CLIP3: variants seen among roughly 807,000 people sequenced by gnomAD.
CLIP3 encodes the protein CAP-Gly domain containing linker protein 3, also known as CAP-Gly domain-containing linker protein 3.
CLIP3 carries 15 observed loss-of-function variants against 59.4 expected under a neutral mutation model. That is an observed-to-expected ratio of 0.25 (90% CI 0.17 to 0.39). The LOEUF (loss-of-function observed/expected upper bound fraction) is 0.39, where lower values mean the gene tolerates loss of function less well. Ranked by LOEUF, CLIP3 falls within the 10% of genes least tolerant of loss-of-function variation. The probability of loss-of-function intolerance (pLI) is 1.00; values close to 1 mark genes in which losing one functional copy is unlikely to be tolerated. For missense variants in CLIP3, 495 were observed against 765.7 expected (o/e 0.65, Z 4.17); for synonymous variants, 300 against 321.6 (o/e 0.93, Z 0.72).
Position 36,019,598 on chromosome 19 carries a change from A to ATTTTT in CLIP3, c.919-293_919-292insAAAAA, listed in dbSNP as rs200645934. 2.3e-4 allele frequency among the ~76,000 whole-genome samples: 23 copies of ATTTTT among 99,424 alleles called. No homozygotes were observed. The East Asian group carries it at 2.9e-3, about 13-fold the overall frequency. The allele number at this position is 99,424 out of a possible 152,430, so 65.2% of individuals were successfully genotyped here. ...ACAATGTAAATTTATTTATTTATTT[A>ATTTTT]TTTTATTTATTTTTTTTTTTTTCGA... On this transcript the variant is annotated intron_variant, in intron 7 of 13. Coordinates refer to ENST00000360535, the MANE Select transcript of CLIP3 (RefSeq NM_015526.3).
In CLIP3 at chr19:36,017,983, T is replaced by C; in HGVS notation, c.1192A>G (p.Lys398Glu). 1 of 1,613,798 alleles carries C rather than the reference T, an allele frequency of 6.2e-7. No individual in the cohort carries two copies. The highest frequency in any genetic ancestry group is 8.5e-7 in the Non-Finnish European group (1 of 1,180,016). The change falls in exon 10 of 14, where the codon AAG becomes GAG. Residue 398 changes from lysine (K) to glutamate (E), a missense_variant. By Grantham distance (56) the Lys-to-Glu change is moderately conservative (BLOSUM62 1). Transcript: ENST00000360535. ...KGRREHKGKK[K>E]TPSSPSLGSL... is the part of the protein sequence containing the mutation. ...CCCAGAGATGGGGATGATGGGGTCT[T>C]CTTCTTGCCTAAGGGTAGAAGGTGT...
intron 2 of CLIP3, among the ~76,000 whole-genome samples, chr19:36,031,312 C>T (rs1969261396): frequency 6.6e-6 from 1 of 152,096 alleles, no homozygotes; most frequent in Admixed American, 6.6e-5. Flanking sequence ...ACACCATGCC[C>T]AGCCCACCTT....
In CLIP3 at chr19:36,018,882, G is replaced by T. The variant is rs745581251; in HGVS notation, c.1183+16C>A. ...CCCAAACTGGCTCTTCCCACCACAG[G>T]GATCCCCTCTCTGACCTTTGTGTTC... On this transcript the variant is annotated intron_variant, in intron 9 of 13. Coordinates refer to ENST00000360535, the MANE Select transcript of CLIP3 (RefSeq NM_015526.3). 1 of 1,610,498 alleles carries T rather than the reference G, an allele frequency of 6.2e-7. No individual in the cohort carries two copies. Among genetic ancestry groups the T allele is most frequent in the Non-Finnish European group, 8.5e-7 (1 of 1,178,476 alleles).
At position 36,026,892 on chromosome 19, in the gene CLIP3, C is replaced by T. The variant is rs887693401; in HGVS notation, c.400+60G>A. ...GGCCTGAGTTCTGGGTGGTTTTCAG[C>T]GTGTTGGGTCTGGGGGCCTAGGCTT... On this transcript the variant is annotated intron_variant, in intron 4 of 13. Coordinates refer to ENST00000360535, the MANE Select transcript of CLIP3 (RefSeq NM_015526.3). This position sits in a 1 kb window ranked among gnomAD's most constrained non-coding sequence, Gnocchi z 6.3. 15 of 1,520,620 alleles carry T rather than the reference C, an allele frequency of 9.9e-6. No homozygotes were observed. The Admixed American group carries it at 2.7e-4, about 27-fold the overall frequency. 94.2% of individuals were successfully genotyped at this position (1,520,620 alleles called of 1,614,324 possible).
Position 36,018,935 on chromosome 19 carries a change from G to C in CLIP3, c.1146C>G (p.Phe382Leu), listed in dbSNP as rs751521736. The C allele has an allele frequency of 3.1e-6, 5 of 1,613,376 alleles. No homozygotes were observed. Among genetic ancestry groups the C allele is most frequent in the Admixed American group, 3.3e-5 (2 of 59,852 alleles). ...TSTPRTPRMD[F>L]SRVTGKGRRE... ...TGCGGCCTTTGCCGGTGACACGGGAGAAGTCCATCCGGGGGGTCCGGGGTG... is the reference window on the plus strand; with the variant it reads ...TGCGGCCTTTGCCGGTGACACGGGACAAGTCCATCCGGGGGGTCCGGGGTG... The change falls in exon 9 of 14, where the codon TTC (phenylalanine) becomes TTG (leucine). Residue 382 changes from phenylalanine (F) to leucine (L), a missense_variant. Transcript: ENST00000360535.
In CLIP3 at chr19:36,026,454, C is replaced by A. The variant is rs1280786364; in HGVS notation, c.562+132G>T. 3 of 1,329,082 alleles carry A rather than the reference C, an allele frequency of 2.3e-6. No individual in the cohort carries two copies. The highest frequency in any genetic ancestry group is 3.1e-6 in the Non-Finnish European group (3 of 965,814). 82.3% of individuals were successfully genotyped at this position (1,329,082 alleles called of 1,614,324 possible). ...TAGAGTGGTAGTCCCTGAGCCCCCT[C>A]TCCCACGCCTCCAACCTCCCGCTAT... On this transcript the variant is annotated intron_variant, in intron 5 of 13. Coordinates refer to ENST00000360535, the MANE Select transcript of CLIP3 (RefSeq NM_015526.3). This position sits in a 1 kb window ranked among gnomAD's most constrained non-coding sequence, Gnocchi z 6.3.
At chr19:36,017,546 G>GGCT (rs776911033) in intron 11 of CLIP3, 96 bp from the exon 12 acceptor site, 22 of 1,597,968 alleles carry the variant, frequency 1.4e-5, no homozygotes, top group Non-Finnish European at 1.9e-5. Context: ...AAGGGCTGGG[G>GGCT]GCTCGGGGGT....
rs753298046 is a variant in CLIP3, at chr19:36,016,904, C to T, written c.1589+3G>A. On this transcript the variant is annotated splice_donor_region_variant and intron_variant, in intron 13 of 13. Transcript: ENST00000360535. The surrounding 1 kb of genome is among the most constrained non-coding windows in gnomAD (Gnocchi z 4.1). ...GGAGAGGGGACAGGGGTTGGCCACA[C>T]ACCTGGAAATGGAGTTCTCTGATGC... 6.2e-7 allele frequency: 1 copy of T among 1,613,730 alleles called. No homozygotes were observed. The highest frequency in any genetic ancestry group is 2.2e-5 in the East Asian group (1 of 44,876).
At chr19:36,018,284 C>T (rs932566149) in intron 9 of CLIP3, among the ~76,000 whole-genome samples, 2 of 151,920 alleles carry the variant, frequency 1.3e-5, no homozygotes, top group East Asian at 1.9e-4. Context: ...AAATTGGGTC[C>T]GAGAGTAAAT....
chr19:36,017,557 G>A (rs1968832183), intron 11 of CLIP3, 98 bp downstream of exon 11: 4 of 1,597,086 alleles, frequency 2.5e-6, no homozygotes, highest in East Asian at 2.2e-5. Context: ...GCTCGGGGGT[G>A]TCCACACTGT....
chr19:36,016,887 G>A lies in CLIP3; in HGVS notation c.1589+20C>T, dbSNP rs371256718. 8.1e-6 allele frequency: 13 copies of A among 1,611,724 alleles called. No homozygotes were observed. The African/African-American group carries it at 1.6e-4, about 20-fold the overall frequency. On this transcript the variant is annotated intron_variant, in intron 13 of 13. Transcript: ENST00000360535. This position sits in a 1 kb window ranked among gnomAD's most constrained non-coding sequence, Gnocchi z 4.1. ...TCCCTGAATGTCACATAGGAGAGGG[G>A]ACAGGGGTTGGCCACACACCTGGAA... is the stretch of plus-strand genomic sequence containing the variant.
intron 8 of CLIP3, 57 bp from the exon 9 acceptor site, chr19:36,019,083 C>T (rs1968882335): frequency 6.3e-7 from 1 of 1,594,814 alleles, no homozygotes; most frequent in African/African-American, 1.3e-5. Flanking sequence ...CGGCCCCCAT[C>T]CTCCATCCCC....
intron 7 of CLIP3, among the ~76,000 whole-genome samples, chr19:36,019,725 C>G (rs563127394): frequency 1.3e-5 from 2 of 151,958 alleles, no homozygotes; most frequent in South Asian, 4.2e-4. Context: ...ATCTCAGCCT[C>G]CCAAGTAGCT....
chr19:36,030,548 C>T (rs553719555), intron 2 of CLIP3, among the ~76,000 whole-genome samples: 2 of 152,288 alleles, frequency 1.3e-5, no homozygotes, highest in Admixed American at 6.5e-5. Flanking sequence ...CTACATCCAA[C>T]TCTGGCTGCA....
intron 2 of CLIP3, among the ~76,000 whole-genome samples, chr19:36,030,726 A>G (rs1969231264): frequency 6.6e-6 from 1 of 152,238 alleles, no homozygotes; most frequent in African/African-American, 2.4e-5. Context: ...GATCTGGCCT[A>G]TGCCAACCTC....
At chr19:36,023,888 TTC>T (rs1204949923) in intron 7 of CLIP3, among the ~76,000 whole-genome samples, 15 of 152,058 alleles carry the variant, frequency 9.9e-5, no homozygotes, top group African/African-American at 3.6e-4. Context: ...TAAATGAAGA[TTC>T]TCTCTGCCCT....
rs1968779403 is a variant in CLIP3 at position 36,015,742 on chromosome 19, C to A, written c.*416G>T. 9.6e-6 allele frequency: 2 copies of A among 209,026 alleles called. No homozygotes were observed. Among genetic ancestry groups the A allele is most frequent in the Non-Finnish European group, 2.0e-5 (2 of 101,026 alleles). 12.9% of individuals were successfully genotyped at this position (209,026 alleles called of 1,614,324 possible). On this transcript the variant is annotated 3_prime_UTR_variant, in exon 14 of 14. Transcript: ENST00000360535. Reference sequence around the variant, plus strand: ...TTACTCTTTTGCTTTGGGGGTGTGACCTATGTTTATTTCAAGAGGACTTAA... The same window carrying A: ...TTACTCTTTTGCTTTGGGGGTGTGAACTATGTTTATTTCAAGAGGACTTAA...
intron 2 of CLIP3, among the ~76,000 whole-genome samples, chr19:36,029,749 A>G (rs1969209248): frequency 6.6e-6 from 1 of 152,118 alleles, no homozygotes; most frequent in African/African-American, 2.4e-5. Flanking sequence ...GGCACAGCAC[A>G]TGGCACACAG....
chr19:36,017,702 A>G lies in CLIP3; in HGVS notation c.1404T>C (p.Thr468=). ...DGSVFGVRYF[T]CPPRHGVFAP... is the part of the protein sequence containing the mutation. Reference sequence around the variant, plus strand: ...CGAAGACCCCATGCCTCGGGGGGCAAGTGAAGTACCGGACACCGAAGACAG... The same window carrying G: ...CGAAGACCCCATGCCTCGGGGGGCAGGTGAAGTACCGGACACCGAAGACAG... Residue 468 remains threonine (T), a synonymous_variant, in exon 11 of 14, where the codon ACT becomes ACC. Transcript: ENST00000360535. 1 of 1,613,882 alleles carries G rather than the reference A, an allele frequency of 6.2e-7. No homozygotes were observed. Among genetic ancestry groups the G allele is most frequent in the South Asian group, 1.1e-5 (1 of 91,070 alleles).
Sources: gnomAD v4.1 joint callset for allele counts (sites outside exome capture counted in the v4.1 genomes callset) on GRCh38, gnomAD v4.1.1 for gene constraint, Gnocchi (gnomAD v3.1) non-coding constraint, MANE v1.5 for transcripts, NCBI Gene and HGNC (gene_info 2026-07-23, HGNC 2026-07-21) for gene names.